Variants in ZDHHC5 observed in about 807,000 individuals in gnomAD.
ZDHHC5 encodes zDHHC palmitoyltransferase 5, also known as palmitoyltransferase ZDHHC5.
A neutral mutation model predicts 70.0 loss-of-function variants in ZDHHC5; 22 were observed. That is an observed-to-expected ratio of 0.31 (90% CI 0.22 to 0.45). The LOEUF (loss-of-function observed/expected upper bound fraction) is 0.45, where lower values mean the gene tolerates loss of function less well. Among genes scored for constraint, ZDHHC5 ranks in the 20% least tolerant of loss-of-function variants. ZDHHC5 has a pLI of 1.00. For missense variants in ZDHHC5, 746 were observed against 926.9 expected (o/e 0.80, Z 2.53); for synonymous variants, 313 against 347.8 (o/e 0.90, Z 1.11).
rs777968654 is a variant in ZDHHC5, at chr11:57,690,164, A to G, written c.518A>G (p.Tyr173Cys). 9.3e-6 allele frequency: 15 copies of G among 1,613,612 alleles called. No homozygotes were observed. The East Asian group carries it at 1.8e-4, about 19-fold the overall frequency. ...VFGFGLLYVLYHIEELSGVRT... is the reference protein window; with the variant it reads ...VFGFGLLYVLCHIEELSGVRT... ...GGCTTTGGCCTCCTTTATGTCCTCT[A>G]CCACATAGAGGAACTCTCAGGGGTC... The change falls in exon 5 of 12, where the codon TAC becomes TGC. Residue 173 changes from tyrosine to cysteine, a missense_variant. Around this residue, in one of 6 missense-constraint regions of ZDHHC5, gnomAD observed 114 missense variants for 179.3 expected, o/e 0.64. Coordinates refer to ENST00000287169, the MANE Select transcript of ZDHHC5 (RefSeq NM_015457.3).
intron 2 of ZDHHC5, among the ~76,000 whole-genome samples, chr11:57,674,237 C>T (rs1386034319): frequency 6.6e-6 from 1 of 151,844 alleles, no homozygotes; most frequent in Non-Finnish European, 1.5e-5. Flanking sequence ...CTGCATCATT[C>T]TCACTTTGAT....
At position 57,699,305 on chromosome 11, in the gene ZDHHC5, A is replaced by G. The variant is rs1020788621; in HGVS notation, c.1869A>G (p.Glu623=). 2 of 1,614,180 alleles carry G rather than the reference A, an allele frequency of 1.2e-6. No individual in the cohort carries two copies. Among genetic ancestry groups the G allele is most frequent in the Non-Finnish European group, 1.7e-6 (2 of 1,180,012 alleles). ...GLRGRGVGSP[E]PGPTAPYLGR... ...GGGGCCGGGGAGTAGGGTCCCCTGAACCAGGCCCAACAGCCCCATACCTGG... is the reference window on the plus strand; with the variant it reads ...GGGGCCGGGGAGTAGGGTCCCCTGAGCCAGGCCCAACAGCCCCATACCTGG... Residue 623 remains glutamate, a synonymous_variant, in exon 11 of 12, where the codon GAA becomes GAG. Coordinates refer to ENST00000287169, the MANE Select transcript of ZDHHC5 (RefSeq NM_015457.3).
rs1210686166 is a variant in ZDHHC5, at chr11:57,690,380, T to A, written c.603T>A (p.Ala201=). ...CVAGLFFIPV[A]GLTGFHVVLV... ...CTGGCTTATTCTTCATCCCTGTAGC[T>A]GGCCTCACGGGATTTCACGTGGTTC... Residue 201 remains alanine, a synonymous_variant, in exon 6 of 12, where the codon GCT becomes GCA. Coordinates refer to ENST00000287169, the MANE Select transcript of ZDHHC5 (RefSeq NM_015457.3). 6.2e-7 allele frequency: 1 copy of A among 1,614,170 alleles called. No individual in the cohort carries two copies. The highest frequency in any genetic ancestry group is 2.2e-5 in the East Asian group (1 of 44,892).
At position 57,689,622 on chromosome 11, in the gene ZDHHC5, C is replaced by T. The variant is rs570703014; in HGVS notation, c.385-409C>T. ...TGAACTCCTGACCTCGTGATCTACC[C>T]GCCTCGGCCTCTCAAAGTGCTGGGA... On this transcript the variant is annotated intron_variant, in intron 4 of 11. Coordinates refer to ENST00000287169, the MANE Select transcript of ZDHHC5 (RefSeq NM_015457.3). Among the ~76,000 whole-genome samples the T allele has an allele frequency of 1.2e-4, 18 of 151,520 alleles. No individual in the cohort carries two copies. The East Asian group carries it at 2.9e-3, about 24-fold the overall frequency.
chr11:57,692,835 C>G, intron 7 of ZDHHC5, 133 bp downstream of exon 7: 1 of 832,296 alleles, frequency 1.2e-6, no homozygotes, highest in African/African-American at 1.7e-5. Flanking sequence ...TAAGTACCCA[C>G]TCTATCTTAG....
In ZDHHC5 at chr11:57,698,965, G is replaced by A. The variant is rs373745864; in HGVS notation, c.1529G>A (p.Arg510Gln). The A allele has an allele frequency of 1.2e-5, 19 of 1,612,610 alleles. No individual in the cohort carries two copies. Among genetic ancestry groups the A allele is most frequent in the Middle Eastern group, 1.6e-4 (1 of 6,082 alleles). Residue 510 changes from arginine to glutamine, a missense_variant, in exon 11 of 12, where the codon CGG becomes CAG. Around this residue, in one of 6 missense-constraint regions of ZDHHC5, gnomAD observed 340 missense variants for 350.1 expected, o/e 0.97. Transcript: ENST00000287169. ...PFLSARLAQQ[R>Q]EAERHPRLVP... is the part of the protein sequence containing the mutation. ...CTGTCAGCCAGGCTGGCCCAGCAACGGGAAGCTGAGAGGCACCCACGTTTG... is the reference window on the plus strand; with the variant it reads ...CTGTCAGCCAGGCTGGCCCAGCAACAGGAAGCTGAGAGGCACCCACGTTTG...
chr11:57,690,944 A>G (rs544169580), intron 6 of ZDHHC5, among the ~76,000 whole-genome samples: 1 of 152,280 alleles, frequency 6.6e-6, no homozygotes, highest in East Asian at 1.9e-4. Context: ...ACATGTATAC[A>G]TATGTAACAA....
chr11:57,688,810 T>C (rs1329889859), intron 4 of ZDHHC5, 145 bp downstream of exon 4: 1 of 852,312 alleles, frequency 1.2e-6, no homozygotes, highest in Non-Finnish European at 1.6e-6. Context: ...ATGGTGTTAA[T>C]AATGACATGG....
intron 3 of ZDHHC5, 111 bp downstream of exon 3, chr11:57,682,654 A>T: frequency 2.2e-6 from 3 of 1,356,452 alleles, no homozygotes; most frequent in Non-Finnish European, 2.9e-6. Flanking sequence ...TGGGATATGA[A>T]AAATAATGAT....
At chr11:57,696,067 GA>G in intron 9 of ZDHHC5, 24 bp downstream of exon 9, 1 of 1,602,714 alleles carries the variant, frequency 6.2e-7, no homozygotes, top group Non-Finnish European at 8.5e-7. Context: ...TGATTTGCAA[GA>G]TACTAGAACT....
chr11:57,675,211 G>T (rs1293515266), intron 2 of ZDHHC5, among the ~76,000 whole-genome samples: 9 of 152,220 alleles, frequency 5.9e-5, no homozygotes, highest in Admixed American at 3.9e-4. Flanking sequence ...ATTGGGGAGG[G>T]TCTATTTTCC....
At chr11:57,693,961 C>T (rs1480068297) in intron 8 of ZDHHC5, 46 bp downstream of exon 8, 1 of 1,566,120 alleles carries the variant, frequency 6.4e-7, no homozygotes. Flanking sequence ...GAAGTCTCAC[C>T]CAAGGCAAAG....
chr11:57,682,479 G>A lies in ZDHHC5; in HGVS notation c.162G>A (p.Met54Ile). The change falls in exon 3 of 12, where the codon ATG (methionine) becomes ATA (isoleucine). Residue 54 changes from methionine (M) to isoleucine (I), a missense_variant. Met to Ile is a conservative substitution (Grantham distance 10, BLOSUM62 1). This residue lies in a region of ZDHHC5 where 89 missense variants were observed against 130.7 expected (regional missense o/e 0.68). Transcript: ENST00000287169. ...CAGTGCCCATCTACAATGCAATTAT[G>A]TTTCTCTTTGTGTTGGCCAACTTCA... ...SPAVPIYNAI[M>I]FLFVLANFSM... 1.2e-6 allele frequency: 2 copies of A among 1,614,152 alleles called. No individual in the cohort carries two copies.
chr11:57,676,094 A>G (rs1231117917), intron 2 of ZDHHC5, among the ~76,000 whole-genome samples: 1 of 152,210 alleles, frequency 6.6e-6, no homozygotes, highest in Non-Finnish European at 1.5e-5. Flanking sequence ...GGTAACAGAC[A>G]TAATTAGTGG....
intron 10 of ZDHHC5, 71 bp from the exon 11 acceptor site, chr11:57,698,488 C>T (rs1007108743): frequency 6.9e-5 from 105 of 1,517,566 alleles, no homozygotes; most frequent in Non-Finnish European, 8.5e-5. Context: ...TTTTGACCAA[C>T]TCCTTGAGCT....
intron 4 of ZDHHC5, 112 bp from the exon 5 acceptor site, chr11:57,689,919 A>G (rs760125166): frequency 1.5e-5 from 19 of 1,299,912 alleles, no homozygotes; most frequent in Non-Finnish European, 2.0e-5. Flanking sequence ...TTAATTTTGA[A>G]CTAATTGGTG....
chr11:57,696,797 C>A lies in ZDHHC5; in HGVS notation c.1046C>A (p.Pro349His). ...SLLAKDSPPT[P>H]TMYKYRPGYS... ...TTGGCCAAGGACAGCCCCCCGACAC[C>A]TACCATGTACAAGTATCGGCCGGGT... The change falls in exon 10 of 12, where the codon CCT becomes CAT. Residue 349 changes from proline to histidine, a missense_variant. Pro to His is a moderately conservative substitution (Grantham distance 77). This residue lies in a region of ZDHHC5 where 179 missense variants were observed against 178.4 expected (regional missense o/e 1.00). Coordinates refer to ENST00000287169, the MANE Select transcript of ZDHHC5 (RefSeq NM_015457.3). The A allele has an allele frequency of 6.2e-7, 1 of 1,614,096 alleles. No individual in the cohort carries two copies. The highest frequency in any genetic ancestry group is 8.5e-7 in the Non-Finnish European group (1 of 1,179,938).
chr11:57,676,960 C>T (rs1255922826), intron 2 of ZDHHC5, among the ~76,000 whole-genome samples: 1 of 108,484 alleles, frequency 9.2e-6, no homozygotes, highest in South Asian at 3.2e-4. Context: ...CTTACTCTGT[C>T]GCCCAGGCTG....
intron 3 of ZDHHC5, among the ~76,000 whole-genome samples, chr11:57,687,792 A>G (rs1590865429): frequency 9.7e-6 from 1 of 103,586 alleles, no homozygotes. Context: ...TAAGATGAAG[A>G]TGAAGTCTTG....
Sources: allele counts gnomAD v4.1 joint callset (sites outside exome capture counted in the v4.1 genomes callset), GRCh38; gene constraint gnomAD v4.1.1; regional missense constraint gnomAD v4.1.1; transcripts MANE v1.5; gene names NCBI Gene and HGNC (gene_info 2026-07-23, HGNC 2026-07-21).